ANKRD36B: variants seen among roughly 807,000 people sequenced by gnomAD.
ANKRD36B encodes the protein ankyrin repeat domain 36B.
A neutral mutation model predicts 135.7 loss-of-function variants in ANKRD36B; 37 were observed. That is an observed-to-expected ratio of 0.27 (90% CI 0.21 to 0.36). The LOEUF is 0.36. ANKRD36B is among the 10% of genes least tolerant of loss of function. The probability of loss-of-function intolerance (pLI) is 1.00; values close to 1 mark genes in which losing one functional copy is unlikely to be tolerated. For synonymous variants in ANKRD36B, 179 were observed against 348.1 expected (o/e 0.51, Z 5.41); for missense variants, 549 against 1,037.1 (o/e 0.53, Z 6.46).
chr2:97,569,730 G>A (rs1289227550), intron 6 of ANKRD36B, among the ~76,000 whole-genome samples: 2 of 152,002 alleles, frequency 1.3e-5, no homozygotes, highest in South Asian at 2.1e-4. Context: ...AAATAAAGTT[G>A]TTAATTTTTT....
At chr2:97,516,432 T>C (rs2077831661) in intron 36 of ANKRD36B, among the ~76,000 whole-genome samples, 1 of 11,154 alleles carries the variant, frequency 9.0e-5, no homozygotes, top group African/African-American at 2.3e-4. Flanking sequence ...TGATTTTTCA[T>C]CTTATCTGAA....
At chr2:97,571,280 G>A (rs1280008715) in intron 6 of ANKRD36B, among the ~76,000 whole-genome samples, 1 of 152,130 alleles carries the variant, frequency 6.6e-6, no homozygotes, top group African/African-American at 2.4e-5. Context: ...AAAGTTTGAG[G>A]CTGCAGTGGA....
At chr2:97,579,903 A>T (rs1391748108) in intron 4 of ANKRD36B, among the ~76,000 whole-genome samples, 1 of 152,148 alleles carries the variant, frequency 6.6e-6, no homozygotes, top group Non-Finnish European at 1.5e-5. Flanking sequence ...AAGAAAACAT[A>T]CTTGGTAAGT....
At chr2:97,578,843 A>G in intron 5 of ANKRD36B, 63 bp downstream of exon 5, 1 of 1,575,036 alleles carries the variant, frequency 6.3e-7, no homozygotes, top group Non-Finnish European at 8.7e-7. Context: ...TATAAGATGC[A>G]ATTGTTACAA....
rs1431799719 is a variant in ANKRD36B, at chr2:97,540,438, CA to C, written c.1886-210del. 3.3e-4 allele frequency among the ~76,000 whole-genome samples: 32 copies of C among 96,150 alleles called. 6 individuals are homozygous for C. The highest frequency in any genetic ancestry group is 9.6e-4 in the African/African-American group (31 of 32,214). The allele number at this position is 96,150 out of a possible 152,430, so 63.1% of individuals were successfully genotyped here. A position where few individuals can be genotyped will look rare whatever the true frequency, so the allele number is the denominator to read the frequency against. On this transcript the variant is annotated intron_variant, in intron 28 of 43. Transcript: ENST00000359901. Reference sequence around the variant, plus strand: ...TTCATGAAAAATATACTTACAATTTCAAGCATGGTATGATTTGTCATATGTC... The same window carrying C: ...TTCATGAAAAATATACTTACAATTTCAGCATGGTATGATTTGTCATATGTC...
chr2:97,546,917 A>G (rs1212427488), intron 22 of ANKRD36B, among the ~76,000 whole-genome samples: 4 of 151,710 alleles, frequency 2.6e-5, no homozygotes. Flanking sequence ...TTCCAATTAC[A>G]CCATTGTTTC....
chr2:97,563,646 T>C (rs12993396), intron 6 of ANKRD36B, among the ~76,000 whole-genome samples: 5,966 of 152,170 alleles, frequency 0.039, 134 homozygotes, highest in Middle Eastern at 0.058. Context: ...CATCGGCCAT[T>C]TCCTCTCCTT....
At chr2:97,552,976 G>A (rs548378345) in intron 16 of ANKRD36B, among the ~76,000 whole-genome samples, 192 bp downstream of exon 16, 2 of 151,918 alleles carry the variant, frequency 1.3e-5, no homozygotes, top group South Asian at 2.1e-4. Flanking sequence ...ATCTTACTGC[G>A]AAGATCACGT....
chr2:97,529,534 G>C (rs1330495916), intron 35 of ANKRD36B, among the ~76,000 whole-genome samples: 1 of 94,968 alleles, frequency 1.1e-5, no homozygotes, highest in African/African-American at 3.2e-5. Flanking sequence ...ATTCAACATA[G>C]TGTTGGAAGT....
chr2:97,559,102 G>A lies in ANKRD36B; in HGVS notation c.866-108C>T, dbSNP rs1576998548. ...GCTGTATCTTCCTGCCTGTACTAGT[G>A]TAGGCTTTGATGTTTTCTACTTTTT... On this transcript the variant is annotated intron_variant, in intron 8 of 43. Transcript: ENST00000359901. The A allele has an allele frequency of 2.8e-6, 4 of 1,444,382 alleles. No individual in the cohort carries two copies. In the African/African-American group the frequency reaches 4.3e-5, roughly 16 times the overall value. The allele number at this position is 1,444,382 out of a possible 1,614,324, so 89.5% of individuals were successfully genotyped here. A position where few individuals can be genotyped will look rare whatever the true frequency, so the allele number is the denominator to read the frequency against.
At chr2:97,550,674 C>A (rs1219109987) in intron 18 of ANKRD36B, among the ~76,000 whole-genome samples, 4 of 151,854 alleles carry the variant, frequency 2.6e-5, no homozygotes, top group Admixed American at 6.6e-5. Context: ...AATTCAAGCA[C>A]TGTTTCCTGC....
Position 97,548,973 on chromosome 2 carries a change from T to G in ANKRD36B, c.1477+446A>C, listed in dbSNP as rs1418229347. ...AATCCGTCTTCCTTGGGAAAATGAT[T>G]GCTACACCAGGGGTCTCCTTAGTTC... On this transcript the variant is annotated intron_variant, in intron 20 of 43. Coordinates refer to ENST00000359901, the MANE Select transcript of ANKRD36B (RefSeq NM_001393939.1). Among the ~76,000 whole-genome samples the G allele has an allele frequency of 3.3e-5, 5 of 151,894 alleles. 1 individual carries two copies. Among genetic ancestry groups the G allele is most frequent in the African/African-American group, 1.2e-4 (5 of 41,432 alleles).
rs1258480552 is a variant in ANKRD36B at position 97,528,947 on chromosome 2, G to A, written c.2265+3364C>T. Among the ~76,000 whole-genome samples the A allele has an allele frequency of 3.4e-4, 33 of 96,124 alleles. 12 individuals are homozygous for A. Among genetic ancestry groups the A allele is most frequent in the Non-Finnish European group, 7.7e-4 (28 of 36,154 alleles). The allele number at this position is 96,124 out of a possible 152,430, so 63.1% of individuals were successfully genotyped here. A position where few individuals can be genotyped will look rare whatever the true frequency, so the allele number is the denominator to read the frequency against. Reference sequence around the variant, plus strand: ...AACCAAAAAGAGTCCAGGACCAGATGGATTCACAGTCGCATTCTACCAGAG... The same window carrying A: ...AACCAAAAAGAGTCCAGGACCAGATAGATTCACAGTCGCATTCTACCAGAG... On this transcript the variant is annotated intron_variant, in intron 35 of 43. Transcript: ENST00000359901.
chr2:97,573,844 G>A (rs940858197), intron 6 of ANKRD36B, among the ~76,000 whole-genome samples: 14 of 152,254 alleles, frequency 9.2e-5, no homozygotes, highest in Non-Finnish European at 2.1e-4. Flanking sequence ...TATGTAGAAA[G>A]CTGAAACTGG....
chr2:97,554,080 T>G (rs1468929750), intron 14 of ANKRD36B, among the ~76,000 whole-genome samples: 1 of 151,950 alleles, frequency 6.6e-6, no homozygotes, highest in African/African-American at 2.4e-5. Flanking sequence ...CATCATCAAT[T>G]ATCAATTTTG....
chr2:97,494,417 A>G (rs1313309601), intron 43 of ANKRD36B, among the ~76,000 whole-genome samples: 3 of 106,712 alleles, frequency 2.8e-5, no homozygotes, highest in Admixed American at 8.5e-5. Flanking sequence ...ACACATGGCT[A>G]GAGAGGTAGG....
At position 97,581,428 on chromosome 2, in the gene ANKRD36B, G is replaced by A. The variant is rs370840501; in HGVS notation, c.451-860C>T. Among the ~76,000 whole-genome samples, 67 of 151,504 alleles carry A rather than the reference G, an allele frequency of 4.4e-4. No individual in the cohort carries two copies. The East Asian group carries it at 0.011, about 25-fold the overall frequency. On this transcript the variant is annotated intron_variant, in intron 3 of 43. Transcript: ENST00000359901. ...ATCTCTTTTTAATTCGGAGAGCCGG[G>A]CTCTGAATTAATAGAGATAGGCTTC...
At chr2:97,584,418 C>T (rs2082832455) in intron 3 of ANKRD36B, among the ~76,000 whole-genome samples, 1 of 148,108 alleles carries the variant, frequency 6.8e-6, no homozygotes, top group African/African-American at 2.5e-5. Context: ...TTAGCTTGTG[C>T]ATTTCTGATT....
chr2:97,530,718 A>G lies in ANKRD36B; in HGVS notation c.2265+1593T>C. ...TCAAACAAATTTACAAGAAAAAAAC[A>G]AACAACCCCATCAAAAAGTGGGCAA... On this transcript the variant is annotated intron_variant, in intron 35 of 43. Coordinates refer to ENST00000359901, the MANE Select transcript of ANKRD36B (RefSeq NM_001393939.1). 2.1e-5 allele frequency among the ~76,000 whole-genome samples: 2 copies of G among 97,178 alleles called. 1 individual carries two copies. The highest frequency in any genetic ancestry group is 5.5e-5 in the Non-Finnish European group (2 of 36,478). 63.8% of individuals were successfully genotyped at this position (97,178 alleles called of 152,430 possible).
Sources: allele counts gnomAD v4.1 joint callset (sites outside exome capture counted in the v4.1 genomes callset), GRCh38; gene constraint gnomAD v4.1.1; transcripts MANE v1.5; gene names NCBI Gene and HGNC (gene_info 2026-07-23, HGNC 2026-07-21).